The following XYLT1 variants were observed in gnomAD, a reference collection of about 807,000 sequenced individuals.
XYLT1 encodes the protein beta-D-xylosyltransferase 1.
A neutral mutation model predicts 91.3 loss-of-function variants in XYLT1; 36 were observed. That is an observed-to-expected ratio of 0.39 (90% CI 0.30 to 0.52). The LOEUF (loss-of-function observed/expected upper bound fraction) is 0.52. Ranked by LOEUF, XYLT1 falls within the 20% of genes least tolerant of loss-of-function variation. The probability of loss-of-function intolerance (pLI) is 0.68; values close to 1 mark genes in which losing one functional copy is unlikely to be tolerated. For missense variants in XYLT1, 1,242 were observed against 1,284.5 expected (o/e 0.97, Z 0.51); for synonymous variants, 588 against 532.0 (o/e 1.11, Z -1.45).
chr16:17,408,587 G>A (rs1005376764), intron 1 of XYLT1, among the ~76,000 whole-genome samples: 6 of 152,172 alleles, frequency 3.9e-5, no homozygotes, highest in East Asian at 1.9e-4. Flanking sequence ...GGCTTAGGCC[G>A]ATAATCCCAG....
Position 17,470,887 on chromosome 16 carries a change from G to C in XYLT1, c.-91C>G. On this transcript the variant is annotated 5_prime_UTR_variant, in exon 1 of 12. Coordinates refer to ENST00000261381, the MANE Select transcript of XYLT1 (RefSeq NM_022166.4). ...CCCGCAGCTCCCGCGGCCGCCGGCT[G>C]CCGCTCGGGCTCCCGCTCGGGCCGC... The C allele has an allele frequency of 1.0e-6, 1 of 971,836 alleles. No individual in the cohort carries two copies. Among genetic ancestry groups the C allele is most frequent in the Non-Finnish European group, 1.2e-6 (1 of 819,652 alleles). 60.2% of individuals were successfully genotyped at this position (971,836 alleles called of 1,614,324 possible).
intron 3 of XYLT1, among the ~76,000 whole-genome samples, chr16:17,214,593 G>A (rs2032821389): frequency 6.6e-6 from 1 of 152,170 alleles, no homozygotes; most frequent in Non-Finnish European, 1.5e-5. Flanking sequence ...AGAAGTAACT[G>A]GAACGAATGT....
At chr16:17,157,139 G>A (rs2031426502) in intron 6 of XYLT1, among the ~76,000 whole-genome samples, 1 of 152,026 alleles carries the variant, frequency 6.6e-6, no homozygotes, top group Non-Finnish European at 1.5e-5. Flanking sequence ...GTAGAAATGG[G>A]GTTTTACCAT....
At chr16:17,161,354 C>T (rs1000333414) in intron 5 of XYLT1, among the ~76,000 whole-genome samples, 2 of 152,130 alleles carry the variant, frequency 1.3e-5, no homozygotes, top group Non-Finnish European at 2.9e-5. Context: ...TGGGCAAAGC[C>T]GCCTTTCAAA....
intron 3 of XYLT1, among the ~76,000 whole-genome samples, chr16:17,226,200 G>A (rs1455202092): frequency 6.6e-6 from 1 of 152,192 alleles, no homozygotes; most frequent in African/African-American, 2.4e-5. Flanking sequence ...CAACCAAAGG[G>A]AAGGCAGCAC....
Position 17,422,075 on chromosome 16 carries a change from C to T in XYLT1, c.363+48359G>A, listed in dbSNP as rs559727468. On this transcript the variant is annotated intron_variant, in intron 1 of 11. Coordinates refer to ENST00000261381, the MANE Select transcript of XYLT1 (RefSeq NM_022166.4). ...TCCACTCACCGGAAGCTCTGCCTCC[C>T]GGGTTCACGCCATTCTCCTGCCTCA... Among the ~76,000 whole-genome samples, 105 of 151,560 alleles carry T rather than the reference C, an allele frequency of 6.9e-4. 1 individual carries two copies. The highest frequency in any genetic ancestry group is 1.3e-3 in the Non-Finnish European group (86 of 67,906).
chr16:17,419,306 C>T (rs763703771), intron 1 of XYLT1, among the ~76,000 whole-genome samples: 9 of 152,002 alleles, frequency 5.9e-5, no homozygotes, highest in Non-Finnish European at 1.2e-4. Context: ...GGTACCACTG[C>T]GCTCCAGCCT....
chr16:17,358,739 A>G (rs919070556), intron 1 of XYLT1, among the ~76,000 whole-genome samples: 2 of 152,186 alleles, frequency 1.3e-5, no homozygotes, highest in Non-Finnish European at 2.9e-5. Flanking sequence ...GCTCCGTAAG[A>G]GGATTAGGAA....
chr16:17,450,956 A>T (rs557598516), intron 1 of XYLT1, among the ~76,000 whole-genome samples: 1 of 152,194 alleles, frequency 6.6e-6, no homozygotes, highest in Non-Finnish European at 1.5e-5. Context: ...GGACATCATC[A>T]TTCTGCAGGG....
intron 6 of XYLT1, among the ~76,000 whole-genome samples, chr16:17,154,308 C>T (rs2031353349): frequency 6.6e-6 from 1 of 152,212 alleles, no homozygotes; most frequent in Non-Finnish European, 1.5e-5. Context: ...TGGCACTTCA[C>T]ACACTGTGTC....
chr16:17,277,520 G>C (rs1256197614), intron 2 of XYLT1, among the ~76,000 whole-genome samples: 1 of 151,966 alleles, frequency 6.6e-6, no homozygotes, highest in Non-Finnish European at 1.5e-5. Flanking sequence ...CTCCTGAGTA[G>C]GTGGGATTAC....
chr16:17,346,771 T>G (rs2035149678), intron 2 of XYLT1, among the ~76,000 whole-genome samples: 1 of 152,088 alleles, frequency 6.6e-6, no homozygotes, highest in African/African-American at 2.4e-5. Context: ...TAGCTGGAAG[T>G]TCCTTCTTCT....
At chr16:17,412,930 T>G (rs1200293466) in intron 1 of XYLT1, among the ~76,000 whole-genome samples, 1 of 152,220 alleles carries the variant, frequency 6.6e-6, no homozygotes. Flanking sequence ...ATGTTCACAA[T>G]GCTCGTATCT....
In XYLT1 at chr16:17,102,080, G is replaced by C. The variant is rs1487031888; in HGVS notation, c.*6615C>G. On this transcript the variant is annotated 3_prime_UTR_variant, in exon 12 of 12. Transcript: ENST00000261381. ...GGAGGTTGTTGCTATAATCCAGTTA[G>C]AAGATGACAGCAGTTTTTATGAGGG... 1.3e-5 allele frequency: 2 copies of C among 152,196 alleles called. No homozygotes were observed. Among genetic ancestry groups the C allele is most frequent in the African/African-American group, 4.8e-5 (2 of 41,448 alleles). The allele number at this position is 152,196 out of a possible 1,614,324, so 9.4% of individuals were successfully genotyped here.
chr16:17,186,170 C>A (rs1031375628), intron 5 of XYLT1, among the ~76,000 whole-genome samples: 4 of 152,160 alleles, frequency 2.6e-5, no homozygotes, highest in African/African-American at 9.7e-5. Flanking sequence ...GTGGCGCGAT[C>A]TCGGCTCACT....
At chr16:17,316,968 G>T (rs576276235) in intron 2 of XYLT1, among the ~76,000 whole-genome samples, 1 of 151,416 alleles carries the variant, frequency 6.6e-6, no homozygotes, top group Non-Finnish European at 1.5e-5. Context: ...GACTACAGGC[G>T]CCCGCCACCT....
At chr16:17,113,430 A>G (rs902329005) in intron 11 of XYLT1, among the ~76,000 whole-genome samples, 1 of 152,234 alleles carries the variant, frequency 6.6e-6, no homozygotes, top group African/African-American at 2.4e-5. Context: ...GGCGTGAGCC[A>G]CTGCACCAGG....
chr16:17,353,914 G>C (rs1217030882), intron 2 of XYLT1, among the ~76,000 whole-genome samples: 1 of 152,192 alleles, frequency 6.6e-6, no homozygotes, highest in Non-Finnish European at 1.5e-5. Flanking sequence ...CTTCCTGTGT[G>C]ACCCTGGGCA....
rs1396792865 is a variant in XYLT1, at chr16:17,379,761, TCTCACACACACA to T, written c.364-21723_364-21712del. On this transcript the variant is annotated intron_variant, in intron 1 of 11. Transcript: ENST00000261381. The stretch of plus-strand genomic sequence containing the variant: ...CTCTCTCTCTCTCTCTCTCTCTCTC[TCTCACACACACA>T]CACACACACACACACACACACCCCT... Among the ~76,000 whole-genome samples the T allele has an allele frequency of 5.0e-4, 59 of 117,726 alleles. 1 individual carries two copies. Among genetic ancestry groups the T allele is most frequent in the African/African-American group, 2.2e-3 (58 of 26,184 alleles). 77.2% of individuals were successfully genotyped at this position (117,726 alleles called of 152,430 possible).
Sources: allele counts gnomAD v4.1 joint callset (sites outside exome capture counted in the v4.1 genomes callset), GRCh38; gene constraint gnomAD v4.1.1; transcripts MANE v1.5; gene names NCBI Gene and HGNC (gene_info 2026-07-23, HGNC 2026-07-21).